Variants in DHX40 observed in about 807,000 individuals in gnomAD.
DHX40 encodes the protein probable ATP-dependent RNA helicase DHX40.
DHX40 carries 28 observed loss-of-function variants against 89.6 expected under a neutral mutation model. The observed-to-expected ratio is 0.31, with a 90% CI of 0.23 to 0.43. The LOEUF (loss-of-function observed/expected upper bound fraction) is 0.43, where lower values mean the gene tolerates loss of function less well. DHX40 is among the 20% of genes least tolerant of loss of function. DHX40 has a pLI of 1.00. For synonymous variants in DHX40, 226 were observed against 283.6 expected (o/e 0.80, Z 2.04); for missense variants, 457 against 844.0 (o/e 0.54, Z 5.68).
chr17:59,606,982 G>A (rs1417554568), intron 17 of DHX40, 51 bp from the exon 18 acceptor site: 6 of 1,497,048 alleles, frequency 4.0e-6, no homozygotes, highest in Non-Finnish European at 5.5e-6. Context: ...AACATTTCTA[G>A]TACTGAATCT....
chr17:59,571,529 C>T (rs1483172692), intron 3 of DHX40, among the ~76,000 whole-genome samples: 1 of 151,168 alleles, frequency 6.6e-6, no homozygotes, highest in Non-Finnish European at 1.5e-5. Flanking sequence ...CTTTTTTTAT[C>T]ATCCCAAACA....
chr17:59,603,937 C>G (rs536175925), intron 15 of DHX40: 3 of 152,268 alleles, frequency 2.0e-5, no homozygotes, highest in Non-Finnish European at 4.4e-5. Flanking sequence ...GGACATACCA[C>G]ACAGTAACTA....
At chr17:59,577,161 G>A (rs746853345) in intron 7 of DHX40, 105 bp from the exon 8 acceptor site, 16 of 952,254 alleles carry the variant, frequency 1.7e-5, no homozygotes, top group African/African-American at 1.5e-4. Flanking sequence ...GAGTCACCAC[G>A]CCCGGCCTAG....
chr17:59,599,907 T>G (rs958052791), intron 14 of DHX40, among the ~76,000 whole-genome samples: 1 of 147,768 alleles, frequency 6.8e-6, no homozygotes, highest in African/African-American at 2.5e-5. Context: ...CACTGCAATC[T>G]CCACCTCCCA....
chr17:59,606,026 G>A (rs1193768779), intron 17 of DHX40, among the ~76,000 whole-genome samples: 2 of 151,904 alleles, frequency 1.3e-5, no homozygotes, highest in African/African-American at 4.8e-5. Flanking sequence ...TGTTTCCAAG[G>A]GGCTTTTTCT....
intron 12 of DHX40, among the ~76,000 whole-genome samples, chr17:59,597,937 A>G (rs2030207217): frequency 6.7e-6 from 1 of 149,712 alleles, no homozygotes; most frequent in Non-Finnish European, 1.5e-5. Flanking sequence ...TCCGTCTCAA[A>G]AAAAAAAAAA....
At chr17:59,578,061 A>C (rs1385311932) in intron 8 of DHX40, among the ~76,000 whole-genome samples, 2 of 152,142 alleles carry the variant, frequency 1.3e-5, no homozygotes, top group Non-Finnish European at 2.9e-5. Flanking sequence ...TTTTTGGGTA[A>C]ATTTAGTAAG....
In DHX40 at chr17:59,566,782, C is replaced by A; in HGVS notation, c.268C>A (p.Leu90Ile). Residue 90 changes from leucine (L) to isoleucine (I), a missense_variant, in exon 2 of 18, where the codon CTA becomes ATA. Physicochemically the swap from Leu to Ile is conservative, Grantham distance 5 (BLOSUM62 2). Around this residue, in one of 9 missense-constraint regions of DHX40, gnomAD observed 61 missense variants for 100.4 expected, o/e 0.61. Coordinates refer to ENST00000251241, the MANE Select transcript of DHX40 (RefSeq NM_024612.5). Reference protein sequence around the residue: ...SGKTTQLPKYLYEAGFSQHGM... With the variant: ...SGKTTQLPKYIYEAGFSQHGM... ...TAAAACAACTCAACTCCCAAAATAT[C>A]TATATGAAGCAGGTGATTTTTTTCT... 1.3e-6 allele frequency: 2 copies of A among 1,570,732 alleles called. No individual in the cohort carries two copies. The highest frequency in any genetic ancestry group is 1.7e-6 in the Non-Finnish European group (2 of 1,166,952).
Position 59,579,714 on chromosome 17 carries a change from GA to G in DHX40, c.1180del (p.Ser394ValfsTer29). ...TTTTGTAGGAGCGAGGCATTACAGC[GA>G]AGTGGCCGAGCTGGCAGGACTTCTT... ...VPISKSEALQ[R>X]SGRAGRTSSG... On this transcript the variant is annotated frameshift_variant, in exon 10 of 18. Transcript: ENST00000251241. LOFTEE classifies it high-confidence loss of function. 1 of 359,352 alleles carries G rather than the reference GA, an allele frequency of 2.8e-6. No homozygotes were observed. The highest frequency in any genetic ancestry group is 4.2e-6 in the Non-Finnish European group (1 of 237,458). The allele number at this position is 359,352 out of a possible 1,614,324, so 22.3% of individuals were successfully genotyped here.
At position 59,605,183 on chromosome 17, in the gene DHX40, C is replaced by A; in HGVS notation, c.1970C>A (p.Ala657Glu). Residue 657 changes from alanine (A) to glutamate (E), a missense_variant and splice_region_variant, in exon 16 of 18, where the codon GCA (alanine) becomes GAA (glutamate). This residue lies in a region of DHX40 where 120 missense variants were observed against 161.7 expected (regional missense o/e 0.74). Transcript: ENST00000251241. ...GSPVHIHPSS[A>E]LHEQETKLEW... Reference sequence around the variant, plus strand: ...CCAGTTCACATTCATCCTTCCTCAGCAGTAAGTACTTCATTTTTAATAAAG... The same window carrying A: ...CCAGTTCACATTCATCCTTCCTCAGAAGTAAGTACTTCATTTTTAATAAAG... The A allele has an allele frequency of 6.2e-7, 1 of 1,613,792 alleles. No homozygotes were observed.
chr17:59,577,232 G>A (rs754899215), intron 7 of DHX40, 34 bp from the exon 8 acceptor site: 33 of 1,555,866 alleles, frequency 2.1e-5, no homozygotes. Context: ...CATGCATGTT[G>A]TAAATTGGTA....
intron 10 of DHX40, among the ~76,000 whole-genome samples, chr17:59,580,950 C>CACGT (rs2048938349): frequency 6.6e-6 from 1 of 150,562 alleles, no homozygotes; most frequent in African/African-American, 2.5e-5. Context: ...AGCTTGGTGG[C>CACGT]ACGTGATTGT....
At chr17:59,589,003 C>T (rs2049041223) in intron 12 of DHX40, among the ~76,000 whole-genome samples, 1 of 152,174 alleles carries the variant, frequency 6.6e-6, no homozygotes, top group African/African-American at 2.4e-5. Flanking sequence ...TTATATGGGT[C>T]TGTTTCTGGG....
intron 7 of DHX40, among the ~76,000 whole-genome samples, chr17:59,576,552 G>A (rs1428305075): frequency 2.6e-5 from 4 of 152,162 alleles, no homozygotes; most frequent in Admixed American, 2.6e-4. Context: ...ACATAGATGT[G>A]CTATTTTGGA....
intron 11 of DHX40, among the ~76,000 whole-genome samples, chr17:59,587,338 C>A (rs1263570491): frequency 1.3e-5 from 2 of 150,820 alleles, no homozygotes; most frequent in African/African-American, 4.9e-5. Flanking sequence ...ATTCTCCTGC[C>A]TCAGCCTCCC....
At chr17:59,569,921 G>C (rs1479675009) in intron 2 of DHX40, among the ~76,000 whole-genome samples, 2 of 144,720 alleles carry the variant, frequency 1.4e-5, no homozygotes, top group African/African-American at 5.1e-5. Context: ...GCACATGCCT[G>C]TTATCCCAGC....
intron 15 of DHX40, chr17:59,604,584 A>G (rs1352656534): frequency 1.3e-5 from 2 of 153,772 alleles, no homozygotes; most frequent in Non-Finnish European, 2.9e-5. Context: ...GTTTTTTGGA[A>G]TGACATTTAG....
At position 59,566,696 on chromosome 17, in the gene DHX40, A is replaced by T; in HGVS notation, c.182A>T (p.Lys61Met). Residue 61 changes from lysine (K) to methionine (M), a missense_variant, in exon 2 of 18, where the codon AAG becomes ATG. Coordinates refer to ENST00000251241, the MANE Select transcript of DHX40 (RefSeq NM_024612.5). The part of the protein sequence containing the change: ...PTFPIQKQRK[K>M]IIQAVRDNSF... ...TTTCCTATTCAGAAACAAAGAAAAAAGATTATTCAAGCTGTGAGGGACAAT... is the reference window on the plus strand; with the variant it reads ...TTTCCTATTCAGAAACAAAGAAAAATGATTATTCAAGCTGTGAGGGACAAT... The T allele has an allele frequency of 6.2e-7, 1 of 1,607,138 alleles. No homozygotes were observed. The highest frequency in any genetic ancestry group is 8.5e-7 in the Non-Finnish European group (1 of 1,178,228).
rs554663414 is a variant in DHX40, at chr17:59,605,318, G to A, written c.1972-128G>A. 7 of 1,258,914 alleles carry A rather than the reference G, an allele frequency of 5.6e-6. No homozygotes were observed. In the South Asian group the frequency reaches 6.7e-5, roughly 12 times the overall value. The allele number at this position is 1,258,914 out of a possible 1,614,324, so 78.0% of individuals were successfully genotyped here. A position where few individuals can be genotyped will look rare whatever the true frequency, so the allele number is the denominator to read the frequency against. On this transcript the variant is annotated intron_variant, in intron 16 of 17. Transcript: ENST00000251241. ...TATTACATAGATCTATAAGGGTATTGGTTGGCCTGTGCCTCCTGTTTGAAG... is the reference window on the plus strand; with the variant it reads ...TATTACATAGATCTATAAGGGTATTAGTTGGCCTGTGCCTCCTGTTTGAAG...
Sources: allele counts gnomAD v4.1 joint callset (sites outside exome capture counted in the v4.1 genomes callset), GRCh38; gene constraint gnomAD v4.1.1; regional missense constraint gnomAD v4.1.1; transcripts MANE v1.5; gene names NCBI Gene and HGNC (gene_info 2026-07-23, HGNC 2026-07-21).